Variants in CFHR4 observed in about 807,000 individuals in gnomAD.
CFHR4 encodes the protein complement factor H related 4, also known as complement factor H-related protein 4.
In CFHR4, 64 loss-of-function variants were observed where a neutral mutation model predicts 69.3. That is an observed-to-expected ratio of 0.92 (90% confidence interval 0.76 to 1.14). The LOEUF is 1.14. CFHR4 is among the 50% of genes most tolerant of loss of function. CFHR4 has a pLI of 0.00. For missense variants in CFHR4, 636 were observed against 684.9 expected, an observed-to-expected ratio of 0.93 and a Z score of 0.80; for synonymous variants, 244 against 237.0, an observed-to-expected ratio of 1.03 and a Z score of -0.27.
Position 196,918,276 on chromosome 1 carries a change from T to C in CFHR4, c.1607T>C (p.Ile536Thr). 3 of 1,608,642 alleles carry C rather than the reference T, an allele frequency of 1.9e-6. No individual in the cohort carries two copies. Among genetic ancestry groups the C allele is most frequent in the East Asian group, 2.2e-5 (1 of 44,648 alleles). ...NNIQLKGKSD[I>T]KYYAKTGDTI... ...ATACAGTTAAAAGGAAAAAGTGACA[T>C]AAAATATTATGCAAAAACAGGGGAT... The change falls in exon 10 of 10, where the codon ATA (isoleucine) becomes ACA (threonine). Residue 536 changes from isoleucine to threonine, a missense_variant. Physicochemically the swap from Ile to Thr is moderately conservative, Grantham distance 89 (BLOSUM62 -1). Transcript: ENST00000608469.
intron 5 of CFHR4, among the ~76,000 whole-genome samples, chr1:196,909,409 A>G (rs1658114920): frequency 6.6e-6 from 1 of 151,570 alleles, no homozygotes. Flanking sequence ...GAACAGCAGA[A>G]AACTTTAGAA....
At chr1:196,908,142 A>G (rs1658016959) in intron 5 of CFHR4, among the ~76,000 whole-genome samples, 1 of 151,320 alleles carries the variant, frequency 6.6e-6, no homozygotes, top group Admixed American at 6.6e-5. Context: ...GGAACATCAC[A>G]CACCAGGGTC....
intron 3 of CFHR4, among the ~76,000 whole-genome samples, chr1:196,906,417 A>C (rs968909191): frequency 2.6e-5 from 4 of 151,674 alleles, no homozygotes; most frequent in African/African-American, 4.9e-5. Flanking sequence ...GATGCTTTAA[A>C]ATTTTTATAG....
chr1:196,913,211 G>A (rs1303550835), intron 7 of CFHR4, among the ~76,000 whole-genome samples: 2 of 151,502 alleles, frequency 1.3e-5, no homozygotes, highest in Non-Finnish European at 2.9e-5. Context: ...AGCAAAATGT[G>A]TTAGTTGCCA....
rs1657946548 is a variant in CFHR4 at position 196,907,020 on chromosome 1, A to G, written c.599A>G (p.His200Arg). 1 of 1,610,548 alleles carries G rather than the reference A, an allele frequency of 6.2e-7. No homozygotes were observed. The highest frequency in any genetic ancestry group is 1.7e-5 in the Admixed American group (1 of 59,484). The change falls in exon 4 of 10, where the codon CAT becomes CGT. Residue 200 changes from histidine (H) to arginine (R), a missense_variant. By Grantham distance (29) the His-to-Arg change is conservative. Coordinates refer to ENST00000608469, the MANE Select transcript of CFHR4 (RefSeq NM_001201550.3). ...SIVCGEDGWSHLPTCYNSSEN... is the reference protein window; with the variant it reads ...SIVCGEDGWSRLPTCYNSSEN... ...GTGTGTGGTGAAGATGGCTGGTCCC[A>G]TTTGCCAACATGCTATAGTAAGTAT... is the stretch of plus-strand genomic sequence containing the variant.
rs56866921 is a variant in CFHR4 at position 196,894,889 on chromosome 1, A to AAACAAC, written c.58+6696_58+6701dup. On this transcript the variant is annotated intron_variant, in intron 1 of 9. Coordinates refer to ENST00000608469, the MANE Select transcript of CFHR4 (RefSeq NM_001201550.3). ...AAGCATGGCAAAACCCTGTCTCTAA[A>AAACAAC]AACAACAACAACAACAACAAATTAT... Among the ~76,000 whole-genome samples, 34 of 148,978 alleles carry AAACAAC rather than the reference A, an allele frequency of 2.3e-4. 1 individual carries two copies. Among genetic ancestry groups the AAACAAC allele is most frequent in the East Asian group, 2.2e-3 (11 of 5,054 alleles).
At position 196,918,587 on chromosome 1, in the gene CFHR4, A is replaced by T. The variant is rs1346157458; in HGVS notation, c.*181A>T. On this transcript the variant is annotated 3_prime_UTR_variant, in exon 10 of 10. Transcript: ENST00000608469. The stretch of plus-strand genomic sequence containing the variant: ...AAAATATGTTAAAACAAACTAAATT[A>T]TTGCTTATGCTTGTACTAAAATAAT... 3.3e-6 allele frequency: 2 copies of T among 613,700 alleles called. No individual in the cohort carries two copies. Among genetic ancestry groups the T allele is most frequent in the East Asian group, 6.6e-5 (2 of 30,510 alleles). The allele number at this position is 613,700 out of a possible 1,614,324, so 38.0% of individuals were successfully genotyped here. A position where few individuals can be genotyped will look rare whatever the true frequency, so the allele number is the denominator to read the frequency against.
chr1:196,897,862 G>A (rs1452073546), intron 1 of CFHR4, among the ~76,000 whole-genome samples: 1 of 151,290 alleles, frequency 6.6e-6, no homozygotes, highest in African/African-American at 2.4e-5. Flanking sequence ...TCGGGGTGGG[G>A]CCTTTGACAG....
chr1:196,912,660 T>A, intron 6 of CFHR4, 80 bp from the exon 7 acceptor site: 1 of 1,392,000 alleles, frequency 7.2e-7, no homozygotes, highest in Non-Finnish European at 9.6e-7. Context: ...TTTGCCATAT[T>A]GCCATGTTTT....
At chr1:196,912,180 T>C (rs533831988) in intron 6 of CFHR4, among the ~76,000 whole-genome samples, 3 of 151,502 alleles carry the variant, frequency 2.0e-5, no homozygotes, top group Admixed American at 6.6e-5. Context: ...TTTGCTATCT[T>C]ATTTGCTTTC....
chr1:196,898,289 T>G (rs1181333217), intron 1 of CFHR4, among the ~76,000 whole-genome samples: 2 of 151,554 alleles, frequency 1.3e-5, no homozygotes, highest in Admixed American at 6.6e-5. Context: ...GGTGGGTACC[T>G]ACGTGCTCCA....
Position 196,905,291 on chromosome 1 carries a change from G to C in CFHR4, c.439+1G>C, listed in dbSNP as rs773453214. 1 of 1,610,730 alleles carries C rather than the reference G, an allele frequency of 6.2e-7. No individual in the cohort carries two copies. Among genetic ancestry groups the C allele is most frequent in the African/African-American group, 1.3e-5 (1 of 74,358 alleles). ...TGGTCAACACAACCAATTTGCATTA[G>C]TAAGTTATTTACATATTCCCACTCA... On this transcript the variant is annotated splice_donor_variant, in intron 3 of 9. Transcript: ENST00000608469. LOFTEE classifies it high-confidence loss of function.
At chr1:196,910,094 G>A (rs1658164496) in intron 5 of CFHR4, among the ~76,000 whole-genome samples, 187 bp from the exon 6 acceptor site, 1 of 147,758 alleles carries the variant, frequency 6.8e-6, no homozygotes, top group Admixed American at 6.8e-5. Flanking sequence ...GGAGGTCACA[G>A]TGAGCAGTGA....
intron 1 of CFHR4, among the ~76,000 whole-genome samples, chr1:196,894,257 T>C (rs1431128473): frequency 6.6e-6 from 1 of 151,622 alleles, no homozygotes; most frequent in African/African-American, 2.4e-5. Context: ...GTTACAACAA[T>C]AAAAGCTTTT....
Position 196,906,113 on chromosome 1 carries a change from C to A in CFHR4, c.440-748C>A, listed in dbSNP as rs377210970. ...AAAATCCACTTCATTTTCAAGGGTA[C>A]AATTCAACTATTTTTAGCCATGAGA... On this transcript the variant is annotated intron_variant, in intron 3 of 9. Coordinates refer to ENST00000608469, the MANE Select transcript of CFHR4 (RefSeq NM_001201550.3). Among the ~76,000 whole-genome samples the A allele has an allele frequency of 2.8e-4, 43 of 151,232 alleles. 2 individuals are homozygous for A. The South Asian group carries it at 9.0e-3, about 31-fold the overall frequency.
intron 5 of CFHR4, among the ~76,000 whole-genome samples, chr1:196,908,635 A>C (rs1180060661): frequency 1.3e-5 from 2 of 151,482 alleles, no homozygotes; most frequent in Non-Finnish European, 2.9e-5. Context: ...AATTCAAAAA[A>C]TATGAGCCAA....
chr1:196,897,255 G>A (rs918974233), intron 1 of CFHR4, among the ~76,000 whole-genome samples: 1 of 151,614 alleles, frequency 6.6e-6, no homozygotes. Flanking sequence ...CTTGCAGACG[G>A]GCAGGTGCAG....
Position 196,906,922 on chromosome 1 carries a change from G to A in CFHR4, c.501G>A (p.Lys167=), listed in dbSNP as rs1297152294. ...CCAAGAGTAATGGCATGTGGTTTAA[G>A]CTCCATGACACATTGGACTATGAAT... ...SRAKSNGMWF[K]LHDTLDYECY... The change falls in exon 4 of 10, where the codon AAG becomes AAA. Residue 167 remains lysine, a synonymous_variant. Coordinates refer to ENST00000608469, the MANE Select transcript of CFHR4 (RefSeq NM_001201550.3). 1 of 1,611,946 alleles carries A rather than the reference G, an allele frequency of 6.2e-7. No individual in the cohort carries two copies. The highest frequency in any genetic ancestry group is 8.5e-7 in the Non-Finnish European group (1 of 1,179,378).
chr1:196,914,201 A>G (rs1658443743), intron 7 of CFHR4, among the ~76,000 whole-genome samples: 1 of 151,490 alleles, frequency 6.6e-6, no homozygotes, highest in Non-Finnish European at 1.5e-5. Context: ...ATAGTAGTAG[A>G]CTTTAATAAC....
Sources: gnomAD v4.1 joint callset for allele counts (sites outside exome capture counted in the v4.1 genomes callset) on GRCh38, gnomAD v4.1.1 for gene constraint, MANE v1.5 for transcripts, NCBI Gene and HGNC (gene_info 2026-07-23, HGNC 2026-07-21) for gene names.